Variants in GLRA1 observed in about 807,000 individuals in gnomAD.
GLRA1 encodes glycine receptor alpha 1, also known as glycine receptor subunit alpha-1.
In GLRA1, 37 loss-of-function variants were observed where a neutral mutation model predicts 48.3. The ratio of observed to expected loss-of-function variants is 0.77; its 90% CI spans 0.59 to 1.01. The LOEUF (loss-of-function observed/expected upper bound fraction) is 1.01. Ranked by LOEUF, GLRA1 falls within the 50% of genes least tolerant of loss-of-function variation. The pLI, the probability that GLRA1 is intolerant of heterozygous loss-of-function variation, is 0.00. For missense variants in GLRA1, 427 were observed against 571.0 expected (o/e 0.75, Z 2.57); for synonymous variants, 196 against 210.7 (o/e 0.93, Z 0.60).
intron 8 of GLRA1, among the ~76,000 whole-genome samples, chr5:151,827,771 C>G (rs528393527): frequency 8.1e-4 from 123 of 152,234 alleles, no homozygotes; most frequent in African/African-American, 2.9e-3. Flanking sequence ...CTGTGACCTG[C>G]AACACTATGA....
chr5:151,893,443 C>A (rs1754151436), intron 1 of GLRA1, among the ~76,000 whole-genome samples: 1 of 151,582 alleles, frequency 6.6e-6, no homozygotes, highest in African/African-American at 2.4e-5. Context: ...CTGCACCTAT[C>A]AACTTGTCAT....
At chr5:151,850,144 C>T in intron 7 of GLRA1, 2 of 1,603,930 alleles carry the variant, frequency 1.2e-6, no homozygotes, top group Non-Finnish European at 1.7e-6. Flanking sequence ...TTCCCAGGAC[C>T]CCAGGGTCCA....
intron 1 of GLRA1, among the ~76,000 whole-genome samples, chr5:151,923,197 G>A (rs1323495007): frequency 6.6e-6 from 1 of 152,196 alleles, no homozygotes; most frequent in East Asian, 1.9e-4. Context: ...CTCAGATAAG[G>A]GGGGATGCCT....
At chr5:151,853,258 C>CT (rs1752954178) in intron 6 of GLRA1, among the ~76,000 whole-genome samples, 1 of 151,104 alleles carries the variant, frequency 6.6e-6, no homozygotes, top group African/African-American at 2.4e-5. Flanking sequence ...ATTTTTTTTT[C>CT]TTTTTTGAGA....
chr5:151,869,638 CT>C (rs1020087178), intron 3 of GLRA1, among the ~76,000 whole-genome samples: 1 of 149,542 alleles, frequency 6.7e-6, no homozygotes, highest in Admixed American at 6.6e-5. Flanking sequence ...CTGCTTGAAC[CT>C]GGAAGGTGGT....
intron 3 of GLRA1, among the ~76,000 whole-genome samples, chr5:151,868,648 C>T (rs533589123): frequency 7.9e-5 from 12 of 152,322 alleles, no homozygotes; most frequent in African/African-American, 2.6e-4. Context: ...TAGGTACTGC[C>T]TCTGGCTGCT....
chr5:151,843,073 A>G (rs1478002661), intron 7 of GLRA1, among the ~76,000 whole-genome samples: 1 of 152,156 alleles, frequency 6.6e-6, no homozygotes, highest in African/African-American at 2.4e-5. Flanking sequence ...AAAACTAGAA[A>G]TCTTTTTTGA....
intron 2 of GLRA1, among the ~76,000 whole-genome samples, chr5:151,889,041 GC>G (rs1482638198): frequency 5.3e-5 from 8 of 152,206 alleles, no homozygotes; most frequent in African/African-American, 1.9e-4. Context: ...TACTGCCTAT[GC>G]CTTGAAATGA....
intron 1 of GLRA1, among the ~76,000 whole-genome samples, chr5:151,916,279 A>G (rs1754739200): frequency 6.6e-6 from 1 of 152,224 alleles, no homozygotes; most frequent in African/African-American, 2.4e-5. Flanking sequence ...TGGGCAGCTT[A>G]TATGAGATCA....
In GLRA1 at chr5:151,883,301, A is replaced by G. The variant is rs555896992; in HGVS notation, c.252+3420T>C. ...TCTCTTGAGGGGAGCTGGGCATGGCATGATATTGGGTTGGATTTCCACTTT... is the reference window on the plus strand; with the variant it reads ...TCTCTTGAGGGGAGCTGGGCATGGCGTGATATTGGGTTGGATTTCCACTTT... On this transcript the variant is annotated intron_variant, in intron 3 of 8. Coordinates refer to ENST00000274576, the MANE Select transcript of GLRA1 (RefSeq NM_000171.4). Among the ~76,000 whole-genome samples, 5 of 152,280 alleles carry G rather than the reference A, an allele frequency of 3.3e-5. No homozygotes were observed. In the South Asian group the frequency reaches 1.0e-3, roughly 32 times the overall value.
intron 1 of GLRA1, among the ~76,000 whole-genome samples, chr5:151,916,107 G>A (rs1321316133): frequency 6.6e-6 from 1 of 152,162 alleles, no homozygotes; most frequent in Non-Finnish European, 1.5e-5. Context: ...TGAGGGAGGA[G>A]CAAGGAGATC....
intron 1 of GLRA1, among the ~76,000 whole-genome samples, chr5:151,919,564 A>G (rs1178724195): frequency 1.3e-5 from 2 of 152,338 alleles, no homozygotes; most frequent in East Asian, 1.9e-4. Flanking sequence ...CGATGTGGCT[A>G]TTTCTTATAA....
intron 2 of GLRA1, among the ~76,000 whole-genome samples, chr5:151,888,029 C>T (rs1753958447): frequency 6.6e-6 from 1 of 152,220 alleles, no homozygotes; most frequent in Non-Finnish European, 1.5e-5. Context: ...CTATGAGGTA[C>T]TGAGGTAGAC....
intron 7 of GLRA1, among the ~76,000 whole-genome samples, chr5:151,834,388 CG>C (rs1330157520): frequency 1.3e-5 from 2 of 152,064 alleles, no homozygotes; most frequent in Admixed American, 1.3e-4. Context: ...GGGTAAATAA[CG>C]AAATTAAGGC....
At chr5:151,911,959 G>T (rs1463137691) in intron 1 of GLRA1, among the ~76,000 whole-genome samples, 2 of 152,150 alleles carry the variant, frequency 1.3e-5, no homozygotes, top group Non-Finnish European at 2.9e-5. Context: ...CTTAATTTAA[G>T]AATTAGGCAA....
At chr5:151,849,986 A>G in intron 7 of GLRA1, 1 of 1,598,556 alleles carries the variant, frequency 6.3e-7, no homozygotes, top group Non-Finnish European at 8.5e-7. Context: ...GTTTTCGAGT[A>G]CAACCGAAAG....
chr5:151,860,385 A>G (rs1011459202), intron 3 of GLRA1, among the ~76,000 whole-genome samples: 2 of 152,204 alleles, frequency 1.3e-5, no homozygotes, highest in Non-Finnish European at 2.9e-5. Flanking sequence ...GAAAAAATAC[A>G]TTGCAGATAA....
intron 7 of GLRA1, among the ~76,000 whole-genome samples, chr5:151,840,814 G>C (rs1303653491): frequency 6.7e-6 from 1 of 150,304 alleles, no homozygotes; most frequent in Admixed American, 6.6e-5. Context: ...TAATAAATGA[G>C]TCAATCCATC....
intron 1 of GLRA1, among the ~76,000 whole-genome samples, chr5:151,917,354 A>C (rs1384914162): frequency 6.6e-6 from 1 of 152,180 alleles, no homozygotes; most frequent in African/African-American, 2.4e-5. Flanking sequence ...TGTTGACATT[A>C]TGGGTTTCTG....
Sources: gnomAD v4.1 joint callset for allele counts (sites outside exome capture counted in the v4.1 genomes callset) on GRCh38, gnomAD v4.1.1 for gene constraint, MANE v1.5 for transcripts, NCBI Gene and HGNC (gene_info 2026-07-23, HGNC 2026-07-21) for gene names.